Variants in PLCB1 observed in about 807,000 individuals in gnomAD.
PLCB1 encodes the protein 1-phosphatidylinositol 4,5-bisphosphate phosphodiesterase beta-1.
PLCB1 carries 46 observed loss-of-function variants against 161.8 expected under a neutral mutation model. The ratio of observed to expected loss-of-function variants is 0.28; its 90% CI spans 0.22 to 0.36. PLCB1 has a LOEUF of 0.36. Ranked by LOEUF, PLCB1 falls within the 10% of genes least tolerant of loss-of-function variation. PLCB1 has a pLI of 1.00. For synonymous variants in PLCB1, 517 were observed against 503.7 expected (o/e 1.03, Z -0.35); for missense variants, 1,016 against 1,472.5 (o/e 0.69, Z 5.07).
chr20:8,387,584 C>T (rs542407908), intron 3 of PLCB1, among the ~76,000 whole-genome samples: 1 of 152,260 alleles, frequency 6.6e-6, no homozygotes, highest in South Asian at 2.1e-4. Context: ...GACACAGATA[C>T]ATGAAGCATA....
rs1344946352 is a variant in PLCB1 at position 8,789,535 on chromosome 20, T to G, written c.3296T>G (p.Ile1099Ser). 1 of 1,611,150 alleles carries G rather than the reference T, an allele frequency of 6.2e-7. No individual in the cohort carries two copies. The highest frequency in any genetic ancestry group is 8.5e-7 in the Non-Finnish European group (1 of 1,177,248). ...SQMEEEKTEMIRSYIQEVVQY... is the reference protein window; with the variant it reads ...SQMEEEKTEMSRSYIQEVVQY... ...GCTTTTAGGGAGAAGACAGAGATGATCCGGTCATATATCCAGGAAGTGGTG... is the reference window on the plus strand; with the variant it reads ...GCTTTTAGGGAGAAGACAGAGATGAGCCGGTCATATATCCAGGAAGTGGTG... Residue 1099 changes from isoleucine to serine, a missense_variant, in exon 30 of 32, where the codon ATC (isoleucine) becomes AGC (serine). Transcript: ENST00000338037.
chr20:8,881,234 C>T (rs1987969750), intron 31 of PLCB1, among the ~76,000 whole-genome samples: 1 of 151,914 alleles, frequency 6.6e-6, no homozygotes, highest in African/African-American at 2.4e-5. Context: ...CTCAAGCAAT[C>T]GCAATCAACC....
chr20:8,445,485 C>A (rs1980780209), intron 3 of PLCB1, among the ~76,000 whole-genome samples: 1 of 151,794 alleles, frequency 6.6e-6, no homozygotes, highest in Non-Finnish European at 1.5e-5. Context: ...TAGCATGATG[C>A]CTCCAGCTTT....
chr20:8,736,968 T>A, intron 19 of PLCB1, 60 bp from the exon 20 acceptor site: 1 of 1,303,376 alleles, frequency 7.7e-7, no homozygotes, highest in Admixed American at 1.8e-5. Flanking sequence ...TATTCTCTTA[T>A]GTCTTTGTTA....
At chr20:8,623,630 C>A (rs1988247207) in intron 3 of PLCB1, among the ~76,000 whole-genome samples, 1 of 152,080 alleles carries the variant, frequency 6.6e-6, no homozygotes, top group African/African-American at 2.4e-5. Context: ...TGTTCTCCTT[C>A]TACTCCCTCT....
At chr20:8,138,756 T>C (rs574265423) in intron 1 of PLCB1, among the ~76,000 whole-genome samples, 1 of 152,332 alleles carries the variant, frequency 6.6e-6, no homozygotes, top group Admixed American at 6.5e-5. Context: ...CTAATTGGAA[T>C]AGATTATAAA....
intron 15 of PLCB1, among the ~76,000 whole-genome samples, chr20:8,723,815 A>G (rs1261488877): frequency 3.9e-5 from 6 of 152,080 alleles, no homozygotes; most frequent in Non-Finnish European, 5.9e-5. Context: ...TCCCTGCACT[A>G]TGCTTTCCTG....
intron 2 of PLCB1, among the ~76,000 whole-genome samples, chr20:8,200,508 T>G (rs963669928): frequency 6.6e-6 from 1 of 152,068 alleles, no homozygotes; most frequent in African/African-American, 2.4e-5. Flanking sequence ...ATTTTATTAT[T>G]ACAGAGAATG....
chr20:8,514,318 T>C (rs1209937024), intron 3 of PLCB1, among the ~76,000 whole-genome samples: 1 of 151,968 alleles, frequency 6.6e-6, no homozygotes, highest in African/African-American at 2.4e-5. Context: ...CGTGAGCCTG[T>C]AGTCCCAGCT....
At chr20:8,858,912 C>CAAA (rs11482207) in intron 31 of PLCB1, among the ~76,000 whole-genome samples, 8,764 of 111,264 alleles carry the variant, frequency 0.079, 425 homozygotes, top group Non-Finnish European at 0.095. Flanking sequence ...TTTGAGTGTG[C>CAAA]AAAAAAAAAA....
chr20:8,216,026 A>G (rs6118120), intron 2 of PLCB1, among the ~76,000 whole-genome samples: 2,039 of 152,104 alleles, frequency 0.013, 50 homozygotes, highest in African/African-American at 0.046. Context: ...TAAAAAGCCT[A>G]TTTATATGAT....
chr20:8,455,511 G>A (rs1252464009), intron 3 of PLCB1, among the ~76,000 whole-genome samples: 1 of 138,156 alleles, frequency 7.2e-6, no homozygotes, highest in Admixed American at 7.7e-5. Flanking sequence ...TGCAATCTCG[G>A]CTCACTGCAA....
intron 2 of PLCB1, among the ~76,000 whole-genome samples, chr20:8,348,960 C>G (rs375712341): frequency 1.3e-5 from 2 of 151,472 alleles, no homozygotes; most frequent in Non-Finnish European, 2.9e-5. Context: ...CATGAAGAAA[C>G]AAGACTTTTA....
At chr20:8,155,076 G>T (rs936952857) in intron 2 of PLCB1, among the ~76,000 whole-genome samples, 1 of 152,092 alleles carries the variant, frequency 6.6e-6, no homozygotes, top group Admixed American at 6.6e-5. Flanking sequence ...CATATCACTC[G>T]TAGAGCTGAC....
At chr20:8,324,199 GGTGTGTGTGTGTGTGTGTGT>G (rs60079589) in intron 2 of PLCB1, among the ~76,000 whole-genome samples, 22 of 147,060 alleles carry the variant, frequency 1.5e-4, no homozygotes, top group East Asian at 4.0e-4. Flanking sequence ...AACTGGTAGG[GGTGTGTGTGTGTGTGTGTGT>G]GTGTGTGTGT....
At chr20:8,715,139 A>G (rs1431695151) in intron 12 of PLCB1, among the ~76,000 whole-genome samples, 3 of 152,246 alleles carry the variant, frequency 2.0e-5, no homozygotes, top group Non-Finnish European at 4.4e-5. Flanking sequence ...ACTATTGGAA[A>G]TCAAGTTCGA....
chr20:8,143,927 A>C (rs954955094), intron 1 of PLCB1, among the ~76,000 whole-genome samples: 27 of 152,170 alleles, frequency 1.8e-4, no homozygotes, highest in African/African-American at 6.5e-4. Context: ...CCTGTGTATT[A>C]TACGATATTT....
chr20:8,694,755 G>T (rs1489889683), intron 10 of PLCB1, among the ~76,000 whole-genome samples: 2 of 152,176 alleles, frequency 1.3e-5, no homozygotes, highest in African/African-American at 4.8e-5. Flanking sequence ...ATATGTAATT[G>T]TGTTGATATA....
intron 3 of PLCB1, among the ~76,000 whole-genome samples, chr20:8,547,559 C>G (rs1054277140): frequency 3.3e-5 from 5 of 151,866 alleles, no homozygotes; most frequent in African/African-American, 1.2e-4. Flanking sequence ...CTAACCCGTT[C>G]TATGTTCTGA....
Sources: allele counts gnomAD v4.1 joint callset (sites outside exome capture counted in the v4.1 genomes callset), GRCh38; gene constraint gnomAD v4.1.1; transcripts MANE v1.5; gene names NCBI Gene and HGNC (gene_info 2026-07-23, HGNC 2026-07-21).